Variants in LZTS1 observed in about 807,000 individuals in gnomAD.
The protein encoded by LZTS1 is leucine zipper putative tumor suppressor 1.
In LZTS1, 31 loss-of-function variants were observed where a neutral mutation model predicts 45.8. That is an observed-to-expected ratio of 0.68 (90% CI 0.51 to 0.91). LZTS1 has a LOEUF of 0.91. Ranked by LOEUF, LZTS1 falls within the 40% of genes least tolerant of loss-of-function variation. LZTS1 has a pLI of 0.00. For missense variants in LZTS1, 821 were observed against 788.9 expected (o/e 1.04, Z -0.49); for synonymous variants, 359 against 357.3 (o/e 1.00, Z -0.05).
intron 1 of LZTS1, among the ~76,000 whole-genome samples, chr8:20,294,657 T>C (rs114413638): frequency 3.6e-4 from 55 of 152,040 alleles, no homozygotes; most frequent in African/African-American, 1.3e-3. Flanking sequence ...CTTCCCTCCC[T>C]CCTCCCCTTG....
chr8:20,266,786 T>C (rs1800366450), intron 1 of LZTS1, among the ~76,000 whole-genome samples: 1 of 152,130 alleles, frequency 6.6e-6, no homozygotes, highest in Non-Finnish European at 1.5e-5. Context: ...CGGTTTTTAA[T>C]TTTTTCTTTT....
chr8:20,249,753 G>T lies in LZTS1; in HGVS notation c.1760C>A (p.Pro587His), dbSNP rs1286532324. The change falls in exon 4 of 4, where the codon CCC becomes CAC. Residue 587 changes from proline to histidine, a missense_variant. Transcript: ENST00000381569. ...LEVDLEGADI[P>H]YEDIIATEI ...CTCAGTGGCTATGATGTCCTCGTAG[G>T]GGATGTCAGCCCCTTCCAGGTCAAC... 1 of 1,611,376 alleles carries T rather than the reference G, an allele frequency of 6.2e-7. No homozygotes were observed.
chr8:20,297,688 T>G (rs1800999247), intron 1 of LZTS1, among the ~76,000 whole-genome samples: 2 of 152,118 alleles, frequency 1.3e-5, no homozygotes, highest in Admixed American at 6.5e-5. Context: ...ATTGCTGGGA[T>G]TACAGGCATG....
chr8:20,272,484 C>T (rs729361), intron 1 of LZTS1, among the ~76,000 whole-genome samples: 91,349 of 151,908 alleles, frequency 0.6, 28,140 homozygotes, highest in African/African-American at 0.72. Context: ...GTCCACTAGA[C>T]ATGGAACTCT....
chr8:20,261,510 C>T (rs1200126922), intron 1 of LZTS1, among the ~76,000 whole-genome samples: 1 of 152,194 alleles, frequency 6.6e-6, no homozygotes, highest in Non-Finnish European at 1.5e-5. Context: ...GCGGCTTCTA[C>T]TCAAAAGTAG....
intron 1 of LZTS1, among the ~76,000 whole-genome samples, chr8:20,279,697 A>AAAG (rs1800650686): frequency 6.6e-6 from 1 of 151,086 alleles, no homozygotes; most frequent in Non-Finnish European, 1.5e-5. Flanking sequence ...AAAAAAAAAA[A>AAAG]AAAAAGAGGC....
At chr8:20,270,799 C>CTGTG (rs1281545019) in intron 1 of LZTS1, among the ~76,000 whole-genome samples, 7 of 123,074 alleles carry the variant, frequency 5.7e-5, no homozygotes, top group African/African-American at 1.8e-4. Context: ...AGTGTGTCCT[C>CTGTG]TGTGTGTGTG....
intron 1 of LZTS1, among the ~76,000 whole-genome samples, chr8:20,278,673 C>T (rs948221232): frequency 6.6e-5 from 10 of 152,166 alleles, no homozygotes; most frequent in Non-Finnish European, 1.3e-4. Flanking sequence ...TTGCTGCAGG[C>T]CTGTATGGAT....
chr8:20,288,444 G>C (rs1800836176), intron 1 of LZTS1, among the ~76,000 whole-genome samples: 1 of 152,132 alleles, frequency 6.6e-6, no homozygotes, highest in Admixed American at 6.5e-5. Flanking sequence ...TTCCTCTTGG[G>C]CTTCCATTCA....
At chr8:20,297,091 C>G (rs977076906) in intron 1 of LZTS1, among the ~76,000 whole-genome samples, 1 of 152,158 alleles carries the variant, frequency 6.6e-6, no homozygotes, top group Non-Finnish European at 1.5e-5. Context: ...TGTGTGATTG[C>G]CCCTGAAGTC....
At chr8:20,288,392 G>C (rs886384798) in intron 1 of LZTS1, among the ~76,000 whole-genome samples, 1 of 152,168 alleles carries the variant, frequency 6.6e-6, no homozygotes, top group South Asian at 2.1e-4. Flanking sequence ...CGATGCGCAA[G>C]TGGAAACAGC....
At position 20,248,743 on chromosome 8, in the gene LZTS1, G is replaced by C. The variant is rs376293984; in HGVS notation, c.*979C>G. The C allele has an allele frequency of 6.6e-6, 1 of 152,180 alleles. No individual in the cohort carries two copies. Among genetic ancestry groups the C allele is most frequent in the African/African-American group, 2.4e-5 (1 of 41,428 alleles). The allele number at this position is 152,180 out of a possible 1,614,324, so 9.4% of individuals were successfully genotyped here. A position where few individuals can be genotyped will look rare whatever the true frequency, so the allele number is the denominator to read the frequency against. On this transcript the variant is annotated 3_prime_UTR_variant, in exon 4 of 4. Coordinates refer to ENST00000381569, the MANE Select transcript of LZTS1 (RefSeq NM_021020.5). ...CATCTTAGTGATATGGGCTCTTCTGGATCAAGCAAAAGCTTGATTCTGGGG... is the reference window on the plus strand; with the variant it reads ...CATCTTAGTGATATGGGCTCTTCTGCATCAAGCAAAAGCTTGATTCTGGGG...
At chr8:20,257,783 C>A (rs1471221781) in intron 1 of LZTS1, among the ~76,000 whole-genome samples, 7 of 151,866 alleles carry the variant, frequency 4.6e-5, no homozygotes, top group Non-Finnish European at 8.8e-5. Flanking sequence ...GATTCTCCCA[C>A]CTCAGTCTCC....
At position 20,291,582 on chromosome 8, in the gene LZTS1, G is replaced by A. The variant is rs796587504; in HGVS notation, c.-135+12158C>T. The stretch of plus-strand genomic sequence containing the variant: ...CTTGCCTGATGTCACATAGCTAACA[G>A]GTAGCAGAGCCAGGATCTCTCTCGC... On this transcript the variant is annotated intron_variant, in intron 1 of 3. Transcript: ENST00000381569. Among the ~76,000 whole-genome samples the A allele has an allele frequency of 3.7e-4, 57 of 152,280 alleles. 1 individual carries two copies. Among genetic ancestry groups the A allele is most frequent in the African/African-American group, 1.3e-3 (56 of 41,548 alleles).
rs1800833299 is a variant in LZTS1 at position 20,288,353 on chromosome 8, C to T, written c.-135+15387G>A. 2.6e-5 allele frequency among the ~76,000 whole-genome samples: 4 copies of T among 152,168 alleles called. No individual in the cohort carries two copies. The South Asian group carries it at 8.3e-4, about 31-fold the overall frequency. On this transcript the variant is annotated intron_variant, in intron 1 of 3. Coordinates refer to ENST00000381569, the MANE Select transcript of LZTS1 (RefSeq NM_021020.5). Reference sequence around the variant, plus strand: ...GGAGAAGCTGCCTGGAGACAGCCTCCCTCCCTCGCCATCACCTCTGGCCAG... The same window carrying T: ...GGAGAAGCTGCCTGGAGACAGCCTCTCTCCCTCGCCATCACCTCTGGCCAG...
intron 1 of LZTS1, 122 bp from the exon 2 acceptor site, chr8:20,255,437 A>C: frequency 1.7e-6 from 1 of 585,862 alleles, no homozygotes; most frequent in Non-Finnish European, 2.7e-6. Context: ...TGTCTCCACC[A>C]CCGGGTGCTC....
rs1375239138 is a variant in LZTS1, at chr8:20,246,220, C to G, written c.*3502G>C. 1 of 152,648 alleles carries G rather than the reference C, an allele frequency of 6.6e-6. No individual in the cohort carries two copies. Among genetic ancestry groups the G allele is most frequent in the Admixed American group, 6.5e-5 (1 of 15,290 alleles). The allele number at this position is 152,648 out of a possible 1,614,324, so 9.5% of individuals were successfully genotyped here. A position where few individuals can be genotyped will look rare whatever the true frequency, so the allele number is the denominator to read the frequency against. ...CATAAATAAAAACATAAAATTGCCACAAATAGTTTACATGGCCAAAAAGTG... is the reference window on the plus strand; with the variant it reads ...CATAAATAAAAACATAAAATTGCCAGAAATAGTTTACATGGCCAAAAAGTG... On this transcript the variant is annotated 3_prime_UTR_variant, in exon 4 of 4. Coordinates refer to ENST00000381569, the MANE Select transcript of LZTS1 (RefSeq NM_021020.5).
At chr8:20,265,401 C>T (rs371672755) in intron 1 of LZTS1, among the ~76,000 whole-genome samples, 2 of 152,092 alleles carry the variant, frequency 1.3e-5, no homozygotes, top group South Asian at 2.1e-4. Flanking sequence ...CATGGTGGCT[C>T]ATGGCTATAA....
intron 1 of LZTS1, among the ~76,000 whole-genome samples, chr8:20,267,452 AG>A (rs1800384127): frequency 6.6e-6 from 1 of 152,198 alleles, no homozygotes; most frequent in South Asian, 2.1e-4. Flanking sequence ...ACATGTGGCC[AG>A]CACAGTTGTA....
Sources: allele counts gnomAD v4.1 joint callset (sites outside exome capture counted in the v4.1 genomes callset), GRCh38; gene constraint gnomAD v4.1.1; transcripts MANE v1.5; gene names NCBI Gene and HGNC (gene_info 2026-07-23, HGNC 2026-07-21).